The following CSMD1 variants were observed in gnomAD, a reference collection of about 807,000 sequenced individuals.
CSMD1 encodes the protein CUB and sushi domain-containing protein 1.
Under a neutral mutation model 417.5 loss-of-function variants are expected in CSMD1, and 213 were observed. That is an observed-to-expected ratio of 0.51 (90% CI 0.46 to 0.57). CSMD1 has a LOEUF of 0.57. Ranked by LOEUF, CSMD1 falls within the 20% of genes least tolerant of loss-of-function variation. The probability of loss-of-function intolerance (pLI) is 0.00; values close to 1 mark genes in which losing one functional copy is unlikely to be tolerated. For missense variants in CSMD1, 6,923 were observed against 4,529.7 expected (o/e 1.53, Z -15.17); for synonymous variants, 2,862 against 1,736.8 (o/e 1.65, Z -16.11).
In CSMD1 at chr8:4,847,026, G is replaced by A. The variant is rs1323607059; in HGVS notation, c.85+147306C>T. On this transcript the variant is annotated intron_variant, in intron 1 of 69. Transcript: ENST00000635120. ...TTTGTCAGTAGAAGAAACAACTTGT[G>A]TTTTTAAAAAGCATTCTTGTTCTGA... Among the ~76,000 whole-genome samples, 11 of 152,140 alleles carry A rather than the reference G, an allele frequency of 7.2e-5. No individual in the cohort carries two copies. In the South Asian group the frequency reaches 1.9e-3, roughly 26 times the overall value.
chr8:4,033,955 C>T (rs547954179), intron 3 of CSMD1, among the ~76,000 whole-genome samples: 5 of 152,106 alleles, frequency 3.3e-5, no homozygotes, highest in Non-Finnish European at 7.4e-5. Context: ...AAATTAGCTG[C>T]TATTTAGTAT....
intron 4 of CSMD1, among the ~76,000 whole-genome samples, chr8:4,000,114 G>A (rs1351207733): frequency 2.0e-5 from 3 of 152,158 alleles, no homozygotes; most frequent in Admixed American, 6.5e-5. Context: ...CCCGCCCTCC[G>A]TGGGCACCAC....
At chr8:3,963,148 A>G (rs1812440274) in intron 5 of CSMD1, among the ~76,000 whole-genome samples, 1 of 151,738 alleles carries the variant, frequency 6.6e-6, no homozygotes, top group African/African-American at 2.4e-5. Context: ...GCTAGGCTTG[A>G]CTCAAACTCC....
chr8:3,421,583 G>C (rs151311476), intron 12 of CSMD1, among the ~76,000 whole-genome samples: 90 of 152,270 alleles, frequency 5.9e-4, no homozygotes, highest in African/African-American at 2.1e-3. Context: ...TTGATTATGT[G>C]TTAAACCCCA....
chr8:3,142,570 C>G lies in CSMD1; in HGVS notation c.6136G>C (p.Gly2046Arg), dbSNP rs771392777. 1.9e-6 allele frequency: 3 copies of G among 1,613,868 alleles called. No homozygotes were observed. The highest frequency in any genetic ancestry group is 1.1e-5 in the South Asian group (1 of 91,068). Reference sequence around the variant, plus strand: ...AGCAGGGCCGCGGGGAGATCCGTGCCGCTAAATTGTCCAATCATGGGGCTG... The same window carrying G: ...AGCAGGGCCGCGGGGAGATCCGTGCGGCTAAATTGTCCAATCATGGGGCTG... ...HTSPMIGQFSGTDLPAALLST... is the reference protein window; with the variant it reads ...HTSPMIGQFSRTDLPAALLST... Residue 2046 changes from glycine (G) to arginine (R), a missense_variant, in exon 41 of 70, where the codon GGC becomes CGC. By Grantham distance (125) the Gly-to-Arg change is moderately radical. Coordinates refer to ENST00000635120, the MANE Select transcript of CSMD1 (RefSeq NM_033225.6).
In CSMD1 at chr8:2,963,351, C is replaced by G. The variant is rs780990878; in HGVS notation, c.9325G>C (p.Glu3109Gln). ...QPPPVQNGTV[E>Q]GSDFRWGSSI... is the part of the protein sequence containing the mutation. ...GAGCCCCAGCGGAAATCACTTCCCT[C>G]CACTGTTCCATTCTGCACCGGCGGC... The change falls in exon 60 of 70, where the codon GAG (glutamate) becomes CAG (glutamine). Residue 3109 changes from glutamate to glutamine, a missense_variant. Glu to Gln is a conservative substitution (Grantham distance 29). Transcript: ENST00000635120. The G allele has an allele frequency of 2.5e-6, 4 of 1,613,968 alleles. No individual in the cohort carries two copies. The highest frequency in any genetic ancestry group is 3.4e-6 in the Non-Finnish European group (4 of 1,179,868).
At chr8:4,953,197 G>A (rs1808866314) in intron 1 of CSMD1, among the ~76,000 whole-genome samples, 1 of 152,134 alleles carries the variant, frequency 6.6e-6, no homozygotes, top group Non-Finnish European at 1.5e-5. Context: ...CATTGTAGGA[G>A]GAAAATCTTT....
intron 25 of CSMD1, among the ~76,000 whole-genome samples, chr8:3,296,953 C>T (rs534351428): frequency 1.6e-4 from 25 of 152,224 alleles, no homozygotes; most frequent in Non-Finnish European, 3.2e-4. Context: ...AGAAAATAAA[C>T]ATGTATGTCT....
chr8:3,037,110 T>A (rs1251531700), intron 50 of CSMD1, among the ~76,000 whole-genome samples: 2 of 152,232 alleles, frequency 1.3e-5, no homozygotes, highest in African/African-American at 2.4e-5. Flanking sequence ...TCACTTAGAA[T>A]AATGGCCTCC....
chr8:3,731,681 T>C (rs1796269552), intron 6 of CSMD1, among the ~76,000 whole-genome samples: 1 of 152,026 alleles, frequency 6.6e-6, no homozygotes, highest in South Asian at 2.1e-4. Flanking sequence ...CAGCAACAAT[T>C]GAGGAAACAA....
chr8:3,242,603 T>G (rs1034992451), intron 26 of CSMD1, among the ~76,000 whole-genome samples: 2 of 152,054 alleles, frequency 1.3e-5, no homozygotes, highest in African/African-American at 4.8e-5. Context: ...CAGAGGAATA[T>G]AAGGCATTTA....
At chr8:3,177,524 G>C (rs953009976) in intron 37 of CSMD1, among the ~76,000 whole-genome samples, 1 of 152,174 alleles carries the variant, frequency 6.6e-6, no homozygotes, top group African/African-American at 2.4e-5. Flanking sequence ...TATAAAAGGT[G>C]TGTTTCAATC....
At chr8:4,771,365 C>T (rs1796588572) in intron 1 of CSMD1, among the ~76,000 whole-genome samples, 1 of 152,198 alleles carries the variant, frequency 6.6e-6, no homozygotes, top group Non-Finnish European at 1.5e-5. Flanking sequence ...AGGCTTTGGG[C>T]CCTCTTCAGG....
At chr8:4,984,713 C>G (rs1811080980) in intron 1 of CSMD1, among the ~76,000 whole-genome samples, 1 of 152,144 alleles carries the variant, frequency 6.6e-6, no homozygotes, top group African/African-American at 2.4e-5. Flanking sequence ...AAAGCACAAC[C>G]ACTTCTATGT....
chr8:4,126,226 G>C (rs898259583), intron 3 of CSMD1, among the ~76,000 whole-genome samples: 5 of 152,100 alleles, frequency 3.3e-5, no homozygotes, highest in African/African-American at 7.2e-5. Flanking sequence ...AGACTGATTT[G>C]AGTAATAATA....
chr8:2,949,498 A>G, intron 67 of CSMD1, 112 bp from the exon 68 acceptor site: 1 of 497,734 alleles, frequency 2.0e-6, no homozygotes, highest in East Asian at 3.5e-5. Context: ...TTTAGATACT[A>G]CTGGTTAAAT....
At chr8:3,643,375 C>T (rs374920283) in intron 7 of CSMD1, among the ~76,000 whole-genome samples, 1 of 152,080 alleles carries the variant, frequency 6.6e-6, no homozygotes, top group East Asian at 1.9e-4. Context: ...AAGCTGATGA[C>T]AGACCTCCAG....
chr8:3,840,300 C>G (rs898917351), intron 5 of CSMD1, among the ~76,000 whole-genome samples: 1 of 152,152 alleles, frequency 6.6e-6, no homozygotes, highest in Non-Finnish European at 1.5e-5. Flanking sequence ...ACGCAGGAGG[C>G]TGAGGTGCCA....
chr8:4,094,146 G>C (rs11776345), intron 3 of CSMD1, among the ~76,000 whole-genome samples: 1 of 151,944 alleles, frequency 6.6e-6, no homozygotes, highest in African/African-American at 2.4e-5. Context: ...GGGGGATGAG[G>C]GGACACAGCC....
Sources: gnomAD v4.1 joint callset for allele counts (sites outside exome capture counted in the v4.1 genomes callset) on GRCh38, gnomAD v4.1.1 for gene constraint, MANE v1.5 for transcripts, NCBI Gene and HGNC (gene_info 2026-07-23, HGNC 2026-07-21) for gene names.